The following POLR2E variants were observed in gnomAD, a reference collection of about 807,000 sequenced individuals.
POLR2E encodes the protein DNA-directed RNA polymerases I, II, and III subunit RPABC1.
POLR2E carries 35 observed loss-of-function variants against 29.8 expected under a neutral mutation model. The ratio of observed to expected loss-of-function variants is 1.17; its 90% CI spans 0.90 to 1.55. POLR2E has a LOEUF of 1.55. Ranked by LOEUF, POLR2E falls within the 40% of genes most tolerant of loss-of-function variation. The pLI, the probability that POLR2E is intolerant of heterozygous loss-of-function variation, is 0.00. For missense variants in POLR2E, 287 were observed against 288.6 expected, an observed-to-expected ratio of 0.99 and a Z score of 0.04; for synonymous variants, 174 against 112.6, an observed-to-expected ratio of 1.55 and a Z score of -3.45.
intron 2 of POLR2E, 79 bp downstream of exon 2, chr19:1,093,825 G>A (rs1408499696): frequency 1.6e-5 from 23 of 1,468,940 alleles, no homozygotes; most frequent in Non-Finnish European, 2.1e-5. Context: ...CCAGGCGAGT[G>A]GGGGTGGGTG....
chr19:1,090,211 C>G, intron 4 of POLR2E, 66 bp from the exon 5 acceptor site: 1 of 1,351,098 alleles, frequency 7.4e-7, no homozygotes, highest in Non-Finnish European at 1.1e-6. Flanking sequence ...CTCCCAGGTG[C>G]CACCACAGCC....
chr19:1,095,356 C>CGT lies in POLR2E; in HGVS notation c.-42_-41insAC, dbSNP rs113714429. The CGT allele has an allele frequency of 1.9e-6, 3 of 1,609,924 alleles. No individual in the cohort carries two copies. The highest frequency in any genetic ancestry group is 4.5e-5 in the East Asian group (2 of 44,816). On this transcript the variant is annotated 5_prime_UTR_variant, in exon 1 of 8. Coordinates refer to ENST00000615234, the MANE Select transcript of POLR2E (RefSeq NM_002695.5). ...CGCCGCCGCTCGCACCCCTTCTCCG[C>CGT]GCGAGAACCCGCGCGGACTGCGCCT... is the stretch of plus-strand genomic sequence containing the variant.
chr19:1,094,711 T>C (rs963143798), intron 1 of POLR2E: 1 of 159,446 alleles, frequency 6.3e-6, no homozygotes, highest in African/African-American at 2.4e-5. Flanking sequence ...GCTGAGGCAA[T>C]ACCCTGAACC....
chr19:1,095,142 C>G lies in POLR2E; in HGVS notation c.57+117G>C, dbSNP rs2043913456. The G allele has an allele frequency of 3.6e-6, 4 of 1,097,576 alleles. No individual in the cohort carries two copies. In the Admixed American group the frequency reaches 8.5e-5, roughly 23 times the overall value. The allele number at this position is 1,097,576 out of a possible 1,614,324, so 68.0% of individuals were successfully genotyped here. A position where few individuals can be genotyped will look rare whatever the true frequency, so the allele number is the denominator to read the frequency against. Reference sequence around the variant, plus strand: ...CGACCTCTGGGCCTCCCGTATCGGCCCGGCCCTTCATCGCTGCTGCTCCGA... The same window carrying G: ...CGACCTCTGGGCCTCCCGTATCGGCGCGGCCCTTCATCGCTGCTGCTCCGA... On this transcript the variant is annotated intron_variant, in intron 1 of 7. Transcript: ENST00000615234.
chr19:1,089,336 C>T (rs937814896), intron 7 of POLR2E, 136 bp downstream of exon 7: 12 of 617,804 alleles, frequency 1.9e-5, no homozygotes, highest in Admixed American at 4.9e-5. Flanking sequence ...GTCCTGGGAG[C>T]GCCTGGTGGC....
At chr19:1,091,755 GGGGGAGAGGCTGGC>G (rs775780649) in intron 3 of POLR2E, 23 bp downstream of exon 3, 13 of 1,370,978 alleles carry the variant, frequency 9.5e-6, no homozygotes, top group Non-Finnish European at 1.3e-5. Context: ...AGGCTGGGGA[GGGGGAGAGGCTGGC>G]GGGGTGGGGC....
intron 2 of POLR2E, chr19:1,093,638 G>T: frequency 1.2e-6 from 1 of 821,374 alleles, no homozygotes; most frequent in Non-Finnish European, 1.7e-6. Context: ...GGGGGGCTGG[G>T]GGTGAGTGGG....
chr19:1,089,750 T>C (rs983237359), intron 6 of POLR2E, 134 bp downstream of exon 6: 9 of 808,422 alleles, frequency 1.1e-5, no homozygotes, highest in Admixed American at 2.3e-5. Flanking sequence ...GAGGGGGATA[T>C]TGGGGGTGTG....
At chr19:1,095,235 C>A in intron 1 of POLR2E, 24 bp downstream of exon 1, 1 of 1,611,404 alleles carries the variant, frequency 6.2e-7, no homozygotes, top group Non-Finnish European at 8.5e-7. Context: ...CGCGCCCCCG[C>A]CCCCAACACC....
chr19:1,088,308 C>G lies in POLR2E; in HGVS notation c.*427G>C, dbSNP rs1010844789. On this transcript the variant is annotated 3_prime_UTR_variant, in exon 8 of 8. Transcript: ENST00000615234. ...GCATGGCTGTGAATGGAGTAAAGAGCCGAGGCCGGGCGGGGGCCGCCACGC... is the reference window on the plus strand; with the variant it reads ...GCATGGCTGTGAATGGAGTAAAGAGGCGAGGCCGGGCGGGGGCCGCCACGC... The G allele has an allele frequency of 6.6e-6, 1 of 152,324 alleles. No individual in the cohort carries two copies. The highest frequency in any genetic ancestry group is 2.4e-5 in the African/African-American group (1 of 41,434). 9.4% of individuals were successfully genotyped at this position (152,324 alleles called of 1,614,324 possible).
chr19:1,091,626 G>A, intron 3 of POLR2E, 166 bp downstream of exon 3: 4 of 608,786 alleles, frequency 6.6e-6, no homozygotes, highest in Non-Finnish European at 8.9e-6. Context: ...CATGGACGCG[G>A]TGGGAGGGAG....
chr19:1,094,440 G>A (rs59763584), intron 1 of POLR2E: 3,605 of 238,206 alleles, frequency 0.015, 135 homozygotes, highest in African/African-American at 0.077. Context: ...AGTACTTAGG[G>A]AGGCTGAGGC....
chr19:1,090,966 T>C lies in POLR2E; in HGVS notation c.371A>G (p.Lys124Arg). ...AKQSLVDMAP[K>R]YILEQFLQQE... ...CTGCAGAAACTGCTCCAGGATGTAC[T>C]TGGGGGCCATGTCGACCAGGGACTG... The change falls in exon 4 of 8, where the codon AAG becomes AGG. Residue 124 changes from lysine (K) to arginine (R), a missense_variant. Physicochemically the swap from Lys to Arg is conservative, Grantham distance 26 (BLOSUM62 2). Transcript: ENST00000615234. 1 of 1,613,724 alleles carries C rather than the reference T, an allele frequency of 6.2e-7. No homozygotes were observed. The highest frequency in any genetic ancestry group is 8.5e-7 in the Non-Finnish European group (1 of 1,179,984).
chr19:1,091,586 G>C, intron 3 of POLR2E: 1 of 579,264 alleles, frequency 1.7e-6, no homozygotes, highest in South Asian at 2.0e-5. Context: ...TGAGAGCTGG[G>C]GGAGGACGGC....
chr19:1,091,943 G>GGGCCCTCGT (rs762463884), intron 2 of POLR2E, 36 bp from the exon 3 acceptor site: 17 of 1,466,772 alleles, frequency 1.2e-5, no homozygotes, highest in Admixed American at 3.3e-5. Flanking sequence ...GCACGAGCCT[G>GGGCCCTCGT]GGCCCTCGTG....
intron 5 of POLR2E, 32 bp downstream of exon 5, chr19:1,090,055 A>C: frequency 1.2e-5 from 13 of 1,125,950 alleles, no homozygotes; most frequent in East Asian, 3.5e-5. Context: ...AGGGACAGGG[A>C]GGGGCGGGGC....
intron 2 of POLR2E, 124 bp from the exon 3 acceptor site, chr19:1,092,031 G>C (rs1465480499): frequency 1.5e-6 from 1 of 672,450 alleles, no homozygotes; most frequent in Non-Finnish European, 2.6e-6. Flanking sequence ...TCGGGCCTCG[G>C]CTTCCGCGTT....
In POLR2E at chr19:1,095,304, C is replaced by T; in HGVS notation, c.12G>A (p.Glu4=). 2 of 1,613,166 alleles carry T rather than the reference C, an allele frequency of 1.2e-6. No homozygotes were observed. Among genetic ancestry groups the T allele is most frequent in the Non-Finnish European group, 8.5e-7 (1 of 1,179,774 alleles). Residue 4 remains glutamate (E), a synonymous_variant, in exon 1 of 8, where the codon GAG becomes GAA. Coordinates refer to ENST00000615234, the MANE Select transcript of POLR2E (RefSeq NM_002695.5). ...TTTTCCAGAGCCGGTACGTCTCCTC[C>T]TCGTCGTCCATGGCAGCCTCCGCCG... is the stretch of plus-strand genomic sequence containing the variant. MDD[E]EETYRLWKIR...
intron 7 of POLR2E, 126 bp downstream of exon 7, chr19:1,089,346 C>A (rs2145132438): frequency 1.5e-6 from 1 of 647,386 alleles, no homozygotes; most frequent in South Asian, 1.8e-5. Context: ...CGCCTGGTGG[C>A]CCAGCTGGGC....
Sources: allele counts gnomAD v4.1 joint callset, GRCh38; gene constraint gnomAD v4.1.1; transcripts MANE v1.5; gene names NCBI Gene and HGNC (gene_info 2026-07-23, HGNC 2026-07-21).